Variants in TAB2 observed in about 807,000 individuals in gnomAD.
The protein encoded by TAB2 is TGF-beta activated kinase 1 (MAP3K7) binding protein 2.
A neutral mutation model predicts 65.0 loss-of-function variants in TAB2; 3 were observed. The observed-to-expected ratio is 0.05, with a 90% CI of 0.02 to 0.12. The LOEUF (loss-of-function observed/expected upper bound fraction) is 0.12, where lower values mean the gene tolerates loss of function less well. Among genes scored for constraint, TAB2 ranks in the 10% least tolerant of loss-of-function variants. TAB2 has a pLI of 1.00. For missense variants in TAB2, 623 were observed against 840.3 expected, an observed-to-expected ratio of 0.74 and a Z score of 3.20; for synonymous variants, 298 against 285.1, an observed-to-expected ratio of 1.05 and a Z score of -0.46.
intron 1 of TAB2, chr6:149,321,017 G>C (rs1229612115): frequency 2.0e-5 from 3 of 152,248 alleles, no homozygotes; most frequent in Admixed American, 1.3e-4. Context: ...AGGAGGAGGA[G>C]AGACAGAGGA....
At chr6:149,248,315 C>T (rs961509039) in intron 1 of TAB2, among the ~76,000 whole-genome samples, 7 of 152,020 alleles carry the variant, frequency 4.6e-5, no homozygotes. Flanking sequence ...TTGCTCGAAC[C>T]TGGGAAGCAG....
intron 1 of TAB2, among the ~76,000 whole-genome samples, chr6:149,233,852 C>T (rs796320581): frequency 6.6e-6 from 1 of 152,166 alleles, no homozygotes; most frequent in Non-Finnish European, 1.5e-5. Context: ...CCATAACGGG[C>T]TCTCCATAAA....
intron 1 of TAB2, among the ~76,000 whole-genome samples, chr6:149,235,423 A>G (rs1181282634): frequency 6.6e-6 from 1 of 152,226 alleles, no homozygotes; most frequent in Non-Finnish European, 1.5e-5. Context: ...GAAACATCCT[A>G]TTAAAAGGGG....
chr6:149,314,815 C>G (rs117801134), upstream of TAB2, among the ~76,000 whole-genome samples: 1,750 of 151,188 alleles, frequency 0.012, 19 homozygotes, highest in Non-Finnish European at 0.013. Context: ...GCTACTGTAT[C>G]AGGACCTTAC....
At chr6:149,273,302 A>G (rs1417215685) in intron 1 of TAB2, among the ~76,000 whole-genome samples, 3 of 152,202 alleles carry the variant, frequency 2.0e-5, no homozygotes, top group Non-Finnish European at 4.4e-5. Flanking sequence ...GGTGGGAAAA[A>G]GAAGATGGAG....
At chr6:149,354,921 G>T (rs750800645) in intron 1 of TAB2, among the ~76,000 whole-genome samples, 3 of 152,130 alleles carry the variant, frequency 2.0e-5, no homozygotes, top group Non-Finnish European at 4.4e-5. Flanking sequence ...ATAGTTTTCT[G>T]TGTGACTGTA....
At chr6:149,372,440 C>T (rs767377071) in intron 2 of TAB2, 23 of 151,836 alleles carry the variant, frequency 1.5e-4, no homozygotes, top group Non-Finnish European at 2.2e-4. Flanking sequence ...CAACAGGTAT[C>T]TTTTTTTTAT....
intron 3 of TAB2, 152 bp from the exon 4 acceptor site, chr6:149,397,452 A>G (rs1178885996): frequency 2.5e-5 from 24 of 961,800 alleles, no homozygotes; most frequent in Non-Finnish European, 3.5e-5. Flanking sequence ...AAAAAAAAAA[A>G]AAAATTGAAA....
intron 1 of TAB2, among the ~76,000 whole-genome samples, chr6:149,293,511 G>C (rs1411567478): frequency 6.6e-6 from 1 of 152,194 alleles, no homozygotes; most frequent in African/African-American, 2.4e-5. Context: ...GTCCTGGCTT[G>C]TTGTTTGAAT....
intron 3 of TAB2, among the ~76,000 whole-genome samples, chr6:149,380,322 G>A (rs1781566879): frequency 6.6e-6 from 1 of 152,156 alleles, no homozygotes; most frequent in Non-Finnish European, 1.5e-5. Flanking sequence ...GTAAGTATTA[G>A]AATAATTTAC....
Position 149,339,593 on chromosome 6 carries a change from A to T in TAB2, c.-90+21578A>T, listed in dbSNP as rs112248221. Reference sequence around the variant, plus strand: ...GCCCAATAATTAATCTTTTTTATTTATTTATTTATTTATTTTTTTTTTTTT... The same window carrying T: ...GCCCAATAATTAATCTTTTTTATTTTTTTATTTATTTATTTTTTTTTTTTT... On this transcript the variant is annotated intron_variant, in intron 1 of 6. Coordinates refer to ENST00000637181, the MANE Select transcript of TAB2 (RefSeq NM_001292034.3). Among the ~76,000 whole-genome samples, 59 of 15,462 alleles carry T rather than the reference A, an allele frequency of 3.8e-3. 2 individuals are homozygous for T. Among genetic ancestry groups the T allele is most frequent in the Non-Finnish European group, 5.7e-3 (10 of 1,750 alleles). 10.1% of individuals were successfully genotyped at this position (15,462 alleles called of 152,430 possible).
At chr6:149,318,450 A>C (rs1477636511) in intron 1 of TAB2, 1 of 150,516 alleles carries the variant, frequency 6.6e-6, no homozygotes, top group Non-Finnish European at 1.5e-5. Flanking sequence ...AGGTCTAGTT[A>C]AAGATGACTC....
intron 1 of TAB2, among the ~76,000 whole-genome samples, chr6:149,272,180 A>G (rs554230152): frequency 6.6e-6 from 1 of 152,354 alleles, no homozygotes; most frequent in Non-Finnish European, 1.5e-5. Context: ...ACTTTAAAAA[A>G]TTAGAGGAGT....
rs978473043 is a variant in TAB2, at chr6:149,410,786, G to A, written c.*1067G>A. The A allele has an allele frequency of 6.6e-6, 1 of 152,456 alleles. No individual in the cohort carries two copies. The highest frequency in any genetic ancestry group is 1.5e-5 in the Non-Finnish European group (1 of 68,046). The allele number at this position is 152,456 out of a possible 1,614,324, so 9.4% of individuals were successfully genotyped here. A position where few individuals can be genotyped will look rare whatever the true frequency, so the allele number is the denominator to read the frequency against. ...TTTTAACCCACTGACAGAACAACAA[G>A]GTTAAGCTTCATCTGCTTGGTGTCC... On this transcript the variant is annotated 3_prime_UTR_variant, in exon 7 of 7. Coordinates refer to ENST00000637181, the MANE Select transcript of TAB2 (RefSeq NM_001292034.3).
At chr6:149,273,236 G>T (rs958141075) in intron 1 of TAB2, among the ~76,000 whole-genome samples, 1 of 152,122 alleles carries the variant, frequency 6.6e-6, no homozygotes, top group Non-Finnish European at 1.5e-5. Flanking sequence ...ACATAGAAAA[G>T]TCAAGAATGG....
intron 1 of TAB2, among the ~76,000 whole-genome samples, chr6:149,240,097 C>A (rs1777570499): frequency 6.6e-6 from 1 of 152,168 alleles, no homozygotes; most frequent in African/African-American, 2.4e-5. Context: ...GAAGGTAGCG[C>A]CAAACTGCCC....
intron 3 of TAB2, among the ~76,000 whole-genome samples, chr6:149,397,324 C>T (rs1387438497): frequency 6.6e-6 from 1 of 151,966 alleles, no homozygotes; most frequent in Non-Finnish European, 1.5e-5. Context: ...GCCCATAATC[C>T]CAGCTACTTG....
At chr6:149,325,802 C>G (rs1779598768) in intron 1 of TAB2, among the ~76,000 whole-genome samples, 1 of 152,226 alleles carries the variant, frequency 6.6e-6, no homozygotes, top group African/African-American at 2.4e-5. Flanking sequence ...TGCAGTGGCA[C>G]AACCACAGCT....
chr6:149,360,600 A>G (rs573927219), intron 1 of TAB2, among the ~76,000 whole-genome samples: 5 of 152,182 alleles, frequency 3.3e-5, no homozygotes, highest in Non-Finnish European at 7.3e-5. Context: ...GATTTAGAGA[A>G]GACAGCATCC....
Sources: gnomAD v4.1 joint callset for allele counts (sites outside exome capture counted in the v4.1 genomes callset) on GRCh38, gnomAD v4.1.1 for gene constraint, MANE v1.5 for transcripts, NCBI Gene and HGNC (gene_info 2026-07-23, HGNC 2026-07-21) for gene names.